The following PTPRD variants were observed in gnomAD, a reference collection of about 807,000 sequenced individuals.
PTPRD encodes the protein protein tyrosine phosphatase receptor type D, also known as receptor-type tyrosine-protein phosphatase delta.
In PTPRD, 34 loss-of-function variants were observed where a neutral mutation model predicts 214.5. The observed-to-expected ratio is 0.16, with a 90% CI of 0.12 to 0.21. The LOEUF is 0.21. PTPRD is among the 10% of genes least tolerant of loss of function. PTPRD has a pLI of 1.00. For synonymous variants in PTPRD, 1,128 were observed against 845.7 expected, an observed-to-expected ratio of 1.33 and a Z score of -5.79; for missense variants, 2,545 against 2,398.7, an observed-to-expected ratio of 1.06 and a Z score of -1.27.
chr9:9,921,676 G>T (rs1200336510), intron 5 of PTPRD, among the ~76,000 whole-genome samples: 1 of 149,994 alleles, frequency 6.7e-6, no homozygotes, highest in Non-Finnish European at 1.5e-5. Context: ...TTAACAGTAG[G>T]TATCAATCTC....
intron 5 of PTPRD, among the ~76,000 whole-genome samples, chr9:9,850,707 G>C (rs914594224): frequency 6.6e-6 from 1 of 151,908 alleles, no homozygotes; most frequent in African/African-American, 2.4e-5. Flanking sequence ...TACTCTCTAA[G>C]CAATTTTCAA....
intron 8 of PTPRD, among the ~76,000 whole-genome samples, chr9:9,496,501 C>G (rs2096196173): frequency 6.6e-6 from 1 of 152,014 alleles, no homozygotes; most frequent in African/African-American, 2.4e-5. Context: ...TAGAAAAAGG[C>G]AAACCCAAAC....
intron 12 of PTPRD, among the ~76,000 whole-genome samples, chr9:8,659,362 A>G (rs2096983215): frequency 6.6e-6 from 1 of 152,208 alleles, no homozygotes; most frequent in African/African-American, 2.4e-5. Context: ...ACAAGGCAAC[A>G]ATTCCATATT....
At chr9:9,425,831 T>C (rs72702584) in intron 8 of PTPRD, among the ~76,000 whole-genome samples, 1 of 151,986 alleles carries the variant, frequency 6.6e-6, no homozygotes, top group African/African-American at 2.4e-5. Context: ...GAAGAGGAGA[T>C]AAAAATAGTG....
At chr9:10,119,541 ATCATAACTC>A (rs1161506498) in intron 3 of PTPRD, among the ~76,000 whole-genome samples, 1 of 152,012 alleles carries the variant, frequency 6.6e-6, no homozygotes, top group Non-Finnish European at 1.5e-5. Flanking sequence ...ACAGAGTATA[ATCATAACTC>A]TCATCCATAT....
At chr9:8,722,906 A>C (rs1016064684) in intron 12 of PTPRD, among the ~76,000 whole-genome samples, 1 of 152,204 alleles carries the variant, frequency 6.6e-6, no homozygotes, top group Non-Finnish European at 1.5e-5. Flanking sequence ...GCTGGTGCAA[A>C]GAAAATTTCA....
chr9:10,444,664 G>A (rs2098786070), intron 2 of PTPRD, among the ~76,000 whole-genome samples: 1 of 151,596 alleles, frequency 6.6e-6, no homozygotes, highest in Non-Finnish European at 1.5e-5. Context: ...AAAGTGAAAT[G>A]TTATTTGGAA....
At chr9:8,368,198 C>G (rs2080484540) in intron 39 of PTPRD, among the ~76,000 whole-genome samples, 1 of 152,134 alleles carries the variant, frequency 6.6e-6, no homozygotes, top group Non-Finnish European at 1.5e-5. Flanking sequence ...AGGGGGTTCT[C>G]CTTCTGATTC....
chr9:10,290,421 A>G (rs189978679), intron 3 of PTPRD, among the ~76,000 whole-genome samples: 114 of 152,266 alleles, frequency 7.5e-4, no homozygotes, highest in African/African-American at 2.5e-3. Context: ...GAAGAAAAAG[A>G]ATGTCAGACA....
At chr9:9,785,565 A>T (rs541398972) in intron 5 of PTPRD, among the ~76,000 whole-genome samples, 1 of 152,226 alleles carries the variant, frequency 6.6e-6, no homozygotes, top group African/African-American at 2.4e-5. Context: ...GGTACTCATA[A>T]AATGTTTCAA....
intron 7 of PTPRD, among the ~76,000 whole-genome samples, chr9:9,593,658 AG>A (rs2092992561): frequency 6.6e-6 from 1 of 152,062 alleles, no homozygotes; most frequent in Admixed American, 6.6e-5. Flanking sequence ...CCAAGAAAAA[AG>A]AGAACCCTCT....
At chr9:9,217,138 G>GAAGGGC (rs1264275421) in intron 9 of PTPRD, among the ~76,000 whole-genome samples, 22 of 152,098 alleles carry the variant, frequency 1.4e-4, no homozygotes, top group Admixed American at 2.6e-4. Flanking sequence ...CTGGGAGGCT[G>GAAGGGC]TAGGGCTGGC....
chr9:8,464,336 G>T (rs565543127), intron 32 of PTPRD, among the ~76,000 whole-genome samples: 1 of 152,064 alleles, frequency 6.6e-6, no homozygotes, highest in African/African-American at 2.4e-5. Flanking sequence ...TTGATGTTCT[G>T]CCTTAAAACC....
At chr9:9,624,001 C>G (rs1489813593) in intron 7 of PTPRD, among the ~76,000 whole-genome samples, 4 of 152,046 alleles carry the variant, frequency 2.6e-5, no homozygotes, top group Admixed American at 6.6e-5. Context: ...AAAACAAAAG[C>G]ATTTCTGGGA....
At chr9:8,467,901 T>C (rs1197093266) in intron 31 of PTPRD, among the ~76,000 whole-genome samples, 2 of 152,092 alleles carry the variant, frequency 1.3e-5, no homozygotes, top group African/African-American at 2.4e-5. Flanking sequence ...GAAAATGCAC[T>C]GCAGAGGTGC....
At chr9:8,832,340 TA>T (rs1160313552) in intron 11 of PTPRD, among the ~76,000 whole-genome samples, 1 of 151,554 alleles carries the variant, frequency 6.6e-6, no homozygotes, top group Non-Finnish European at 1.5e-5. Flanking sequence ...GGTAACAGTG[TA>T]TTTTTGTAAT....
chr9:9,406,190 C>T (rs72702522), intron 8 of PTPRD, among the ~76,000 whole-genome samples: 10,220 of 151,886 alleles, frequency 0.067, 407 homozygotes, highest in Middle Eastern at 0.13. Context: ...TTAAAATTAT[C>T]ACCTGAAAAG....
In PTPRD at chr9:9,788,100, A is replaced by C. The variant is rs568681201; in HGVS notation, c.-367-21249T>G. 1.2e-4 allele frequency among the ~76,000 whole-genome samples: 18 copies of C among 151,802 alleles called. No homozygotes were observed. In the South Asian group the frequency reaches 1.3e-3, roughly 11 times the overall value. ...CGCCCAGCCTGTATACCACTTTTAC[A>C]ATCAGTAGACACTTGGGAAATACAA... On this transcript the variant is annotated intron_variant, in intron 5 of 45. Coordinates refer to ENST00000381196, the MANE Select transcript of PTPRD (RefSeq NM_002839.4).
intron 5 of PTPRD, among the ~76,000 whole-genome samples, chr9:9,830,850 T>C (rs972899281): frequency 1.3e-5 from 2 of 151,920 alleles, no homozygotes; most frequent in African/African-American, 4.8e-5. Flanking sequence ...ATCTATCCAA[T>C]ATATTCCTTT....
Sources: allele counts gnomAD v4.1 joint callset (sites outside exome capture counted in the v4.1 genomes callset), GRCh38; gene constraint gnomAD v4.1.1; transcripts MANE v1.5; gene names NCBI Gene and HGNC (gene_info 2026-07-23, HGNC 2026-07-21).